Variants in STK3 observed in about 807,000 individuals in gnomAD.
STK3 encodes serine/threonine kinase 3.
Under a neutral mutation model 58.0 loss-of-function variants are expected in STK3, and 41 were observed. That is an observed-to-expected ratio of 0.71 (90% CI 0.55 to 0.92). The LOEUF (loss-of-function observed/expected upper bound fraction) is 0.92. STK3 is among the 40% of genes least tolerant of loss of function. The pLI, the probability that STK3 is intolerant of heterozygous loss-of-function variation, is 0.00. For synonymous variants in STK3, 170 were observed against 191.0 expected (o/e 0.89, Z 0.91); for missense variants, 479 against 602.7 (o/e 0.79, Z 2.15).
chr8:98,631,733 C>T (rs1474745585), intron 6 of STK3, among the ~76,000 whole-genome samples: 2 of 152,312 alleles, frequency 1.3e-5, no homozygotes, highest in Non-Finnish European at 2.9e-5. Flanking sequence ...GGCACGACCT[C>T]GGCTCACTGC....
At chr8:98,661,992 T>C (rs555134720) in intron 6 of STK3, among the ~76,000 whole-genome samples, 1 of 152,260 alleles carries the variant, frequency 6.6e-6, no homozygotes, top group South Asian at 2.1e-4. Context: ...TATGTATTTA[T>C]CCCACAGACT....
chr8:98,676,549 G>C (rs1823226747), intron 6 of STK3, among the ~76,000 whole-genome samples: 1 of 151,738 alleles, frequency 6.6e-6, no homozygotes, highest in Admixed American at 6.6e-5. Flanking sequence ...AGAGGCAGAG[G>C]TTGCAGTGAG....
intron 2 of STK3, among the ~76,000 whole-genome samples, chr8:98,770,440 A>G (rs1357987413): frequency 2.0e-5 from 3 of 152,240 alleles, no homozygotes; most frequent in African/African-American, 7.2e-5. Context: ...ATGTACTGAT[A>G]TGGATGCAAG....
chr8:98,597,076 T>C (rs1484782945), intron 6 of STK3, among the ~76,000 whole-genome samples: 1 of 152,098 alleles, frequency 6.6e-6, no homozygotes, highest in South Asian at 2.1e-4. Flanking sequence ...TAATATTGTT[T>C]TGGAGAGGTG....
At chr8:98,628,917 C>T (rs919046947) in intron 6 of STK3, among the ~76,000 whole-genome samples, 9 of 147,988 alleles carry the variant, frequency 6.1e-5, no homozygotes, top group African/African-American at 7.5e-5. Context: ...GTTTGGAAAA[C>T]ATTAAATCAT....
chr8:98,644,788 T>C (rs941655020), intron 6 of STK3, among the ~76,000 whole-genome samples: 1 of 152,168 alleles, frequency 6.6e-6, no homozygotes, highest in Non-Finnish European at 1.5e-5. Flanking sequence ...CCTACACATT[T>C]AGAAGAAGTA....
At chr8:98,555,862 G>A (rs1457084879) in intron 8 of STK3, among the ~76,000 whole-genome samples, 1 of 151,982 alleles carries the variant, frequency 6.6e-6, no homozygotes, top group Non-Finnish European at 1.5e-5. Context: ...TAACTTGAAG[G>A]CTTCTTTAGA....
intron 6 of STK3, among the ~76,000 whole-genome samples, chr8:98,600,768 T>C (rs1816276183): frequency 1.3e-5 from 2 of 152,144 alleles, no homozygotes; most frequent in African/African-American, 2.4e-5. Flanking sequence ...GTAAACTATA[T>C]ATGAATAACA....
intron 6 of STK3, among the ~76,000 whole-genome samples, chr8:98,621,771 T>G (rs1264676283): frequency 6.6e-6 from 1 of 152,116 alleles, no homozygotes. Flanking sequence ...AGTGTTGTTT[T>G]TTTTAACACT....
intron 6 of STK3, among the ~76,000 whole-genome samples, chr8:98,596,930 C>A (rs1815876970): frequency 6.6e-6 from 1 of 151,428 alleles, no homozygotes; most frequent in Admixed American, 6.6e-5. Flanking sequence ...ATATGAAATA[C>A]AAGTCAGTTA....
chr8:98,695,130 T>C (rs1038914922), intron 6 of STK3, among the ~76,000 whole-genome samples: 1 of 152,244 alleles, frequency 6.6e-6, no homozygotes, highest in Non-Finnish European at 1.5e-5. Flanking sequence ...CATGTGTTCT[T>C]TGGTTGCATA....
chr8:98,585,849 T>C (rs1234977166), intron 7 of STK3, among the ~76,000 whole-genome samples: 3 of 151,648 alleles, frequency 2.0e-5, no homozygotes, highest in Admixed American at 2.0e-4. Context: ...TTTTATTCTC[T>C]TTGAAGCAAT....
At chr8:98,363,703 A>AG in the STK3 span, among the ~76,000 whole-genome samples, 1 of 152,202 alleles carries the variant, frequency 6.6e-6, no homozygotes, top group Admixed American at 6.5e-5. Context: ...TGAGGCCCCA[A>AG]GGGGGGCTGA....
At chr8:98,717,348 A>G (rs1163149382) in intron 4 of STK3, among the ~76,000 whole-genome samples, 2 of 152,164 alleles carry the variant, frequency 1.3e-5, no homozygotes, top group Non-Finnish European at 2.9e-5. Context: ...AATCAAATTC[A>G]AAAATGGGTA....
At chr8:98,843,195 CTT>C (rs2131813823) in intron 3 of STK3, among the ~76,000 whole-genome samples, 1 of 152,094 alleles carries the variant, frequency 6.6e-6, no homozygotes, top group Admixed American at 6.6e-5. Flanking sequence ...AAACAGGTGA[CTT>C]TTTGGAATAC....
intron 10 of STK3, among the ~76,000 whole-genome samples, chr8:98,499,495 T>TAGA (rs1823406672): frequency 6.6e-6 from 1 of 152,158 alleles, no homozygotes; most frequent in Admixed American, 6.5e-5. Context: ...AGGTGCATGA[T>TAGA]AGAAAATACT....
At chr8:98,624,746 C>T (rs1215972987) in intron 6 of STK3, among the ~76,000 whole-genome samples, 3 of 151,768 alleles carry the variant, frequency 2.0e-5, no homozygotes, top group South Asian at 2.1e-4. Context: ...CCCAGCTACT[C>T]GGGAAGCTGA....
chr8:98,583,801 AAAT>A (rs1443898866), intron 7 of STK3, among the ~76,000 whole-genome samples: 1 of 152,002 alleles, frequency 6.6e-6, no homozygotes, highest in African/African-American at 2.4e-5. Context: ...GTAGATGAGA[AAAT>A]AAGCTCAGGA....
the STK3 span, among the ~76,000 whole-genome samples, chr8:98,344,660 G>C: frequency 1.1e-4 from 16 of 152,114 alleles, no homozygotes; most frequent in East Asian, 3.1e-3. Context: ...TTGGGAAGCC[G>C]AGGCGGGCGG....
Sources: allele counts gnomAD v4.1 joint callset (sites outside exome capture counted in the v4.1 genomes callset), GRCh38; gene constraint gnomAD v4.1.1; transcripts MANE v1.5; gene names NCBI Gene and HGNC (gene_info 2026-07-23, HGNC 2026-07-21).